The following NFATC1 variants were observed in gnomAD, a reference collection of about 807,000 sequenced individuals.
The protein encoded by NFATC1 is nuclear factor of activated T cells 1.
NFATC1 carries 22 observed loss-of-function variants against 76.0 expected under a neutral mutation model. That is an observed-to-expected ratio of 0.29 (90% CI 0.21 to 0.41). NFATC1 has a LOEUF of 0.41. Among genes scored for constraint, NFATC1 ranks in the 10% least tolerant of loss-of-function variants. NFATC1 has a pLI of 1.00. For synonymous variants in NFATC1, 704 were observed against 613.1 expected, an observed-to-expected ratio of 1.15 and a Z score of -2.19; for missense variants, 1,357 against 1,337.7, an observed-to-expected ratio of 1.01 and a Z score of -0.23.
chr18:79,413,048 T>C (rs1013393348), intron 2 of NFATC1, among the ~76,000 whole-genome samples: 4 of 152,214 alleles, frequency 2.6e-5, no homozygotes, highest in South Asian at 2.1e-4. Flanking sequence ...ATCACTGTTA[T>C]TGTTTAAGTA....
At chr18:79,398,517 A>G (rs560956819) in intron 1 of NFATC1, among the ~76,000 whole-genome samples, 1 of 152,328 alleles carries the variant, frequency 6.6e-6, no homozygotes, top group Non-Finnish European at 1.5e-5. Flanking sequence ...ATTTGCAGGA[A>G]GGAAGCCCAG....
Position 79,528,189 on chromosome 18 carries a change from C to G in NFATC1, c.*612C>G. On this transcript the variant is annotated 3_prime_UTR_variant, in exon 10 of 10. Coordinates refer to ENST00000427363, the MANE Select transcript of NFATC1 (RefSeq NM_001278669.2). ...AATCTTCCAGTCTGTCATCTCAGCTCTTTTGTAACATGCTTCCCTTGTCTG... is the reference window on the plus strand; with the variant it reads ...AATCTTCCAGTCTGTCATCTCAGCTGTTTTGTAACATGCTTCCCTTGTCTG... The G allele has an allele frequency of 1.4e-5, 5 of 369,198 alleles. No homozygotes were observed. The highest frequency in any genetic ancestry group is 3.9e-5 in the East Asian group (1 of 25,478). 22.9% of individuals were successfully genotyped at this position (369,198 alleles called of 1,614,324 possible). A position where few individuals can be genotyped will look rare whatever the true frequency, so the allele number is the denominator to read the frequency against.
At chr18:79,508,557 T>C (rs1029651210) in intron 9 of NFATC1, among the ~76,000 whole-genome samples, 4 of 152,178 alleles carry the variant, frequency 2.6e-5, no homozygotes, top group Non-Finnish European at 4.4e-5. Context: ...CGAAGGCTCA[T>C]AAACGCACGG....
chr18:79,410,271 G>T lies in NFATC1; in HGVS notation c.128-132G>T. The stretch of plus-strand genomic sequence containing the variant: ...AGCTGTCCGGCAGCGTGGTCTCAGG[G>T]ACGTTTGCTGAGGCCCGCTCCTTGG... On this transcript the variant is annotated intron_variant, in intron 1 of 9. Transcript: ENST00000427363. The surrounding 1 kb of genome is among the most constrained non-coding windows in gnomAD (Gnocchi z 6.7). 1 of 1,419,326 alleles carries T rather than the reference G, an allele frequency of 7.0e-7. No individual in the cohort carries two copies. Among genetic ancestry groups the T allele is most frequent in the Non-Finnish European group, 9.5e-7 (1 of 1,052,898 alleles). 87.9% of individuals were successfully genotyped at this position (1,419,326 alleles called of 1,614,324 possible).
At chr18:79,508,661 GTCTC>G (rs1315063784) in intron 9 of NFATC1, among the ~76,000 whole-genome samples, 2 of 151,442 alleles carry the variant, frequency 1.3e-5, no homozygotes, top group Non-Finnish European at 2.9e-5. Flanking sequence ...TTCTCAGTCT[GTCTC>G]TCTGTCTCCC....
In NFATC1 at chr18:79,396,471, G is replaced by C. The variant is rs2085007892; in HGVS notation, c.127+120G>C. 6 of 537,076 alleles carry C rather than the reference G, an allele frequency of 1.1e-5. No homozygotes were observed. In the South Asian group the frequency reaches 5.3e-4, roughly 47 times the overall value. The allele number at this position is 537,076 out of a possible 1,614,324, so 33.3% of individuals were successfully genotyped here. A position where few individuals can be genotyped will look rare whatever the true frequency, so the allele number is the denominator to read the frequency against. On this transcript the variant is annotated intron_variant, in intron 1 of 9. Coordinates refer to ENST00000427363, the MANE Select transcript of NFATC1 (RefSeq NM_001278669.2). ...TCCGGGCCAGAGAACGAGGTCGGCC[G>C]GGTCTGTGCGCCCAGGGAGGGGCGC...
At chr18:79,484,031 C>T (rs1375021721) in intron 8 of NFATC1, among the ~76,000 whole-genome samples, 1 of 151,538 alleles carries the variant, frequency 6.6e-6, no homozygotes, top group African/African-American at 2.4e-5. Context: ...TGACCTGGTT[C>T]CTGGGGTGTC....
intron 1 of NFATC1, among the ~76,000 whole-genome samples, chr18:79,407,779 C>A (rs1366587214): frequency 1.3e-5 from 2 of 152,212 alleles, no homozygotes; most frequent in East Asian, 1.9e-4. Flanking sequence ...TGTTCTCTCT[C>A]CGGTGCAGGA....
At chr18:79,455,660 C>T (rs1013901590) in intron 6 of NFATC1, among the ~76,000 whole-genome samples, 3 of 152,178 alleles carry the variant, frequency 2.0e-5, no homozygotes, top group Non-Finnish European at 4.4e-5. Flanking sequence ...CCCAGCCCAG[C>T]ACATCCAGAG....
chr18:79,474,803 G>A (rs1424010467), intron 8 of NFATC1, among the ~76,000 whole-genome samples: 1 of 143,488 alleles, frequency 7.0e-6, no homozygotes, highest in Non-Finnish European at 1.5e-5. Flanking sequence ...TTTTCACACT[G>A]TCGACGTAAA....
chr18:79,476,777 A>AG (rs2089090589), intron 8 of NFATC1, among the ~76,000 whole-genome samples: 2 of 152,336 alleles, frequency 1.3e-5, no homozygotes, highest in South Asian at 4.1e-4. Context: ...GGCCAGGGTT[A>AG]GCCACGGTTG....
At chr18:79,489,298 G>T (rs2089609787) in intron 9 of NFATC1, among the ~76,000 whole-genome samples, 1 of 152,228 alleles carries the variant, frequency 6.6e-6, no homozygotes, top group African/African-American at 2.4e-5. Flanking sequence ...GGGTCTTGGG[G>T]AGGGGAGTGC....
intron 3 of NFATC1, among the ~76,000 whole-genome samples, chr18:79,439,323 C>T (rs1188579283): frequency 1.3e-5 from 2 of 152,164 alleles, no homozygotes; most frequent in African/African-American, 4.8e-5. Flanking sequence ...ATTGCAGAAC[C>T]TCAAACAGCA....
At chr18:79,407,435 C>A (rs1220742679) in intron 1 of NFATC1, among the ~76,000 whole-genome samples, 1 of 152,106 alleles carries the variant, frequency 6.6e-6, no homozygotes, top group African/African-American at 2.4e-5. Context: ...GAAAGAAAGA[C>A]CTCCTTATTG....
chr18:79,396,575 T>C (rs2085011916), intron 1 of NFATC1, among the ~76,000 whole-genome samples: 1 of 152,104 alleles, frequency 6.6e-6, no homozygotes. Flanking sequence ...GTGTCTCCTC[T>C]GCCCCAGCGC....
chr18:79,424,666 CATCTCTGTCTCTGTCCCT>C (rs1362408544), intron 2 of NFATC1, among the ~76,000 whole-genome samples: 3 of 127,286 alleles, frequency 2.4e-5, no homozygotes, highest in African/African-American at 9.5e-5. Context: ...TCTGTCTCTC[CATCTCTGTCTCTGTCCCT>C]GTCTCTGTCT....
rs138271232 is a variant in NFATC1, at chr18:79,469,933, C to T, written c.2092+2351C>T. ...GCAGAGCCCCCAGGCTGCCGCAGGG[C>T]GAGATCCCCAGTGTTGACGCTGGGC... On this transcript the variant is annotated intron_variant, in intron 8 of 9. Transcript: ENST00000427363. 544 of 985,548 alleles carry T rather than the reference C, an allele frequency of 5.5e-4. 3 individuals are homozygous for T. The African/African-American group carries it at 8.5e-3, about 15-fold the overall frequency. 61.1% of individuals were successfully genotyped at this position (985,548 alleles called of 1,614,324 possible). A position where few individuals can be genotyped will look rare whatever the true frequency, so the allele number is the denominator to read the frequency against.
intron 9 of NFATC1, among the ~76,000 whole-genome samples, chr18:79,489,860 C>T (rs1309912629): frequency 6.6e-6 from 1 of 152,246 alleles, no homozygotes; most frequent in Admixed American, 6.5e-5. Context: ...CAGCCACACA[C>T]AAGCTTTCGG....
rs1037751887 is a variant in NFATC1 at position 79,410,336 on chromosome 18, A to G, written c.128-67A>G. On this transcript the variant is annotated intron_variant, in intron 1 of 9. Coordinates refer to ENST00000427363, the MANE Select transcript of NFATC1 (RefSeq NM_001278669.2). This position sits in a 1 kb window ranked among gnomAD's most constrained non-coding sequence, Gnocchi z 6.7. ...GGCCGGGGGTTGCTGGCCGGCCCTG[A>G]GTTCATGGGTTTCTGCTTTGTGATG... The G allele has an allele frequency of 3.1e-5, 47 of 1,533,516 alleles. No homozygotes were observed. Among genetic ancestry groups the G allele is most frequent in the Non-Finnish European group, 3.6e-5 (41 of 1,144,590 alleles). The allele number at this position is 1,533,516 out of a possible 1,614,324, so 95.0% of individuals were successfully genotyped here.
Sources: gnomAD v4.1 joint callset for allele counts (sites outside exome capture counted in the v4.1 genomes callset) on GRCh38, gnomAD v4.1.1 for gene constraint, Gnocchi (gnomAD v3.1) non-coding constraint, MANE v1.5 for transcripts, NCBI Gene and HGNC (gene_info 2026-07-23, HGNC 2026-07-21) for gene names.